Variants in ADARB2 observed in about 807,000 individuals in gnomAD.
ADARB2 encodes the protein inactive double-stranded RNA-specific editase B2.
ADARB2 carries 25 observed loss-of-function variants against 62.2 expected under a neutral mutation model. The observed-to-expected ratio is 0.40, with a 90% CI of 0.29 to 0.56. The LOEUF is 0.56. ADARB2 is among the 20% of genes least tolerant of loss of function. The pLI is 0.43. For missense variants in ADARB2, 1,071 were observed against 1,077.4 expected (o/e 0.99, Z 0.08); for synonymous variants, 572 against 500.8 (o/e 1.14, Z -1.90).
chr10:1,367,440 T>C (rs544785211), intron 2 of ADARB2, among the ~76,000 whole-genome samples: 159 of 152,344 alleles, frequency 1.0e-3, no homozygotes, highest in Non-Finnish European at 2.0e-3. Flanking sequence ...TGATTAGTTA[T>C]AGGTGCACAA....
intron 3 of ADARB2, among the ~76,000 whole-genome samples, chr10:1,293,941 C>T (rs1440242196): frequency 6.6e-6 from 1 of 151,178 alleles, no homozygotes; most frequent in Non-Finnish European, 1.5e-5. Flanking sequence ...AGCAGAAATG[C>T]AAAACAAAAG....
chr10:1,307,644 G>A (rs1318574987), intron 3 of ADARB2, among the ~76,000 whole-genome samples: 7 of 122,982 alleles, frequency 5.7e-5, no homozygotes, highest in Admixed American at 1.7e-4. Flanking sequence ...TGTTTATTGT[G>A]GCATTATTCA....
chr10:1,642,436 G>A (rs1362769552), intron 1 of ADARB2, among the ~76,000 whole-genome samples: 1 of 152,108 alleles, frequency 6.6e-6, no homozygotes, highest in East Asian at 1.9e-4. Context: ...AACAGCAGAG[G>A]CAGCCACATG....
intron 4 of ADARB2, among the ~76,000 whole-genome samples, chr10:1,258,586 A>G (rs914970405): frequency 2.0e-5 from 3 of 152,246 alleles, no homozygotes; most frequent in Non-Finnish European, 4.4e-5. Context: ...GATCAATTCA[A>G]CAAGAAGAAC....
chr10:1,535,845 A>C (rs115025775), intron 1 of ADARB2, among the ~76,000 whole-genome samples: 1 of 152,068 alleles, frequency 6.6e-6, no homozygotes, highest in South Asian at 2.1e-4. Flanking sequence ...AGTCCATAGA[A>C]GTTCAGAGTT....
chr10:1,449,523 C>T (rs1215984644), intron 1 of ADARB2, among the ~76,000 whole-genome samples: 1 of 152,214 alleles, frequency 6.6e-6, no homozygotes, highest in Non-Finnish European at 1.5e-5. Flanking sequence ...TTTCAGGACC[C>T]TCTGCACTAG....
intron 3 of ADARB2, among the ~76,000 whole-genome samples, chr10:1,317,625 T>G (rs1441803094): frequency 6.6e-6 from 1 of 152,110 alleles, no homozygotes; most frequent in Non-Finnish European, 1.5e-5. Flanking sequence ...GTTTTTGGGG[T>G]AAGTCCAATT....
At chr10:1,264,856 T>A (rs1250888789) in intron 4 of ADARB2, among the ~76,000 whole-genome samples, 1 of 152,240 alleles carries the variant, frequency 6.6e-6, no homozygotes, top group Non-Finnish European at 1.5e-5. Flanking sequence ...AAGAAAATTG[T>A]GGAGCGATAA....
intron 1 of ADARB2, among the ~76,000 whole-genome samples, chr10:1,534,137 G>GTTTTT (rs11431049): frequency 1.5e-5 from 2 of 137,052 alleles, no homozygotes; most frequent in Admixed American, 7.4e-5. Flanking sequence ...CATTGAAATA[G>GTTTTT]TTTTTTTTTT....
chr10:1,724,426 G>C (rs562928845), intron 1 of ADARB2, among the ~76,000 whole-genome samples: 1 of 152,190 alleles, frequency 6.6e-6, no homozygotes, highest in African/African-American at 2.4e-5. Flanking sequence ...AGCCTGCCTG[G>C]TTTATCTTCG....
intron 7 of ADARB2, among the ~76,000 whole-genome samples, chr10:1,211,860 A>T (rs980840432): frequency 6.6e-6 from 1 of 152,214 alleles, no homozygotes; most frequent in African/African-American, 2.4e-5. Context: ...AGTTTTGAGT[A>T]CCTGTTACCT....
chr10:1,615,776 C>T (rs1833623698), intron 1 of ADARB2, among the ~76,000 whole-genome samples: 1 of 152,226 alleles, frequency 6.6e-6, no homozygotes. Context: ...AGTGTTGACA[C>T]CACTTGGCAG....
At chr10:1,261,030 C>T (rs1159393467) in intron 4 of ADARB2, among the ~76,000 whole-genome samples, 1 of 71,716 alleles carries the variant, frequency 1.4e-5, no homozygotes, top group Non-Finnish European at 2.7e-5. Context: ...TTTGACAAAC[C>T]TGAGAAAAAC....
chr10:1,672,708 C>G (rs72766755), intron 1 of ADARB2, among the ~76,000 whole-genome samples: 2,257 of 63,008 alleles, frequency 0.036, 9 homozygotes, highest in South Asian at 0.079. Flanking sequence ...TCCAGGCCCC[C>G]CGCCTGCCTC....
intron 7 of ADARB2, among the ~76,000 whole-genome samples, chr10:1,206,421 G>GAACTGGGGCGTCTCCTCC (rs539134181): frequency 2.4e-4 from 36 of 151,722 alleles, no homozygotes; most frequent in African/African-American, 8.5e-4. Flanking sequence ...TGGTCTGAGA[G>GAACTGGGGCGTCTCCTCC]AACTGGGGCG....
intron 1 of ADARB2, among the ~76,000 whole-genome samples, chr10:1,602,851 C>T (rs12761103): frequency 6.6e-6 from 1 of 151,766 alleles, no homozygotes; most frequent in Admixed American, 6.6e-5. Flanking sequence ...ACACACACCT[C>T]TACATACACA....
chr10:1,714,568 G>A (rs372164365), intron 1 of ADARB2, among the ~76,000 whole-genome samples: 39 of 152,282 alleles, frequency 2.6e-4, no homozygotes, highest in South Asian at 2.1e-3. Flanking sequence ...TAAAAGCTAC[G>A]CCTGGGTCCT....
At chr10:1,329,822 C>T (rs1831911400) in intron 3 of ADARB2, among the ~76,000 whole-genome samples, 1 of 151,894 alleles carries the variant, frequency 6.6e-6, no homozygotes. Context: ...GTGGGCGGGA[C>T]CAGGCAGGGG....
intron 1 of ADARB2, among the ~76,000 whole-genome samples, chr10:1,503,529 T>C (rs909139130): frequency 3.9e-5 from 6 of 152,074 alleles, no homozygotes. Context: ...TCACATTCAT[T>C]GTATCATTTC....
Sources: allele counts gnomAD v4.1 joint callset (sites outside exome capture counted in the v4.1 genomes callset), GRCh38; gene constraint gnomAD v4.1.1; transcripts MANE v1.5; gene names NCBI Gene and HGNC (gene_info 2026-07-23, HGNC 2026-07-21).